The following SERPINI1 variants were observed in gnomAD, a reference collection of about 807,000 sequenced individuals.
The protein encoded by SERPINI1 is neuroserpin.
A neutral mutation model predicts 41.1 loss-of-function variants in SERPINI1; 19 were observed. The observed-to-expected ratio is 0.46, with a 90% CI of 0.32 to 0.68. The LOEUF (loss-of-function observed/expected upper bound fraction) is 0.68. Ranked by LOEUF, SERPINI1 falls within the 30% of genes least tolerant of loss-of-function variation. The probability of loss-of-function intolerance (pLI) is 0.03; values close to 1 mark genes in which losing one functional copy is unlikely to be tolerated. For missense variants in SERPINI1, 460 were observed against 479.2 expected, an observed-to-expected ratio of 0.96 and a Z score of 0.37; for synonymous variants, 138 against 156.6, an observed-to-expected ratio of 0.88 and a Z score of 0.89.
chr3:167,757,510 TCACACA>T (rs143893182), intron 1 of SERPINI1, among the ~76,000 whole-genome samples: 3 of 149,548 alleles, frequency 2.0e-5, no homozygotes, highest in African/African-American at 7.4e-5. Context: ...TCTCTCTCTC[TCACACA>T]CACACACACA....
chr3:167,823,934 G>C (rs553410173), intron 7 of SERPINI1, among the ~76,000 whole-genome samples: 2 of 152,230 alleles, frequency 1.3e-5, no homozygotes, highest in African/African-American at 4.8e-5. Flanking sequence ...CCAGTCATAG[G>C]ATACCTCGTT....
chr3:167,790,318 T>G, intron 2 of SERPINI1, 54 bp from the exon 3 acceptor site: 19 of 1,349,716 alleles, frequency 1.4e-5, no homozygotes, highest in Non-Finnish European at 1.9e-5. Context: ...CCACTCTCCT[T>G]GACATTTCAC....
At chr3:167,809,583 T>C (rs3804617) in intron 6 of SERPINI1, among the ~76,000 whole-genome samples, 24,517 of 152,206 alleles carry the variant, frequency 0.16, 2,305 homozygotes, top group Non-Finnish European at 0.22. Flanking sequence ...TGATAACAGA[T>C]GGTTTAGAGA....
intron 1 of SERPINI1, among the ~76,000 whole-genome samples, chr3:167,748,615 G>A (rs1372639702): frequency 6.6e-6 from 1 of 152,168 alleles, no homozygotes; most frequent in Non-Finnish European, 1.5e-5. Flanking sequence ...AGATGACAAC[G>A]TCTCAGAGGT....
chr3:167,813,569 A>G (rs1181704633), intron 6 of SERPINI1, among the ~76,000 whole-genome samples: 1 of 152,146 alleles, frequency 6.6e-6, no homozygotes, highest in East Asian at 1.9e-4. Flanking sequence ...GAGCAAGTTG[A>G]AAGGTCGACA....
chr3:167,749,479 C>A (rs1188472063), intron 1 of SERPINI1, among the ~76,000 whole-genome samples: 1 of 152,176 alleles, frequency 6.6e-6, no homozygotes, highest in East Asian at 1.9e-4. Context: ...ACAATTGTGA[C>A]TATAAGGCTG....
intron 5 of SERPINI1, among the ~76,000 whole-genome samples, chr3:167,806,528 A>T (rs1711650880): frequency 6.6e-6 from 1 of 152,146 alleles, no homozygotes; most frequent in African/African-American, 2.4e-5. Context: ...ATGGTTTTTA[A>T]GATATAATGT....
intron 1 of SERPINI1, among the ~76,000 whole-genome samples, chr3:167,771,091 A>T (rs1726733287): frequency 6.6e-6 from 1 of 152,172 alleles, no homozygotes; most frequent in Non-Finnish European, 1.5e-5. Context: ...TAATAATATA[A>T]CCTCTGTAGA....
chr3:167,803,526 C>G (rs1711521008), intron 5 of SERPINI1, among the ~76,000 whole-genome samples: 1 of 152,114 alleles, frequency 6.6e-6, no homozygotes, highest in Non-Finnish European at 1.5e-5. Flanking sequence ...ATCCTATGAT[C>G]TAACCTTATT....
chr3:167,759,400 G>GTATGTATATATATATATATATATA (rs1726300867), intron 1 of SERPINI1, among the ~76,000 whole-genome samples: 2 of 121,118 alleles, frequency 1.7e-5, no homozygotes, highest in African/African-American at 3.0e-5. Context: ...AGAAAATGTG[G>GTATGTATATATATATATATATATA]TATATATATA....
chr3:167,822,863 A>T (rs1712383841), intron 6 of SERPINI1, 123 bp from the exon 7 acceptor site: 3 of 664,922 alleles, frequency 4.5e-6, no homozygotes. Context: ...ATCTTTTAAC[A>T]TTATCTCCTA....
At chr3:167,780,064 A>C (rs1326574286) in intron 1 of SERPINI1, among the ~76,000 whole-genome samples, 6 of 152,172 alleles carry the variant, frequency 3.9e-5, no homozygotes, top group Non-Finnish European at 8.8e-5. Context: ...GAAAATTTGA[A>C]AAGGAAAAAA....
In SERPINI1 at chr3:167,781,708, A is replaced by G. The variant is rs544814919; in HGVS notation, c.-18-7403A>G. Among the ~76,000 whole-genome samples the G allele has an allele frequency of 2.3e-4, 32 of 141,984 alleles. No homozygotes were observed. The Middle Eastern group carries it at 0.011, about 50-fold the overall frequency. The allele number at this position is 141,984 out of a possible 152,430, so 93.1% of individuals were successfully genotyped here. On this transcript the variant is annotated intron_variant, in intron 1 of 8. Transcript: ENST00000446050. ...GCATTTTTCTCAGCTACCAAAGGACACTTCTCTCTTTTTCTCAACTCACAA... is the reference window on the plus strand; with the variant it reads ...GCATTTTTCTCAGCTACCAAAGGACGCTTCTCTCTTTTTCTCAACTCACAA...
chr3:167,817,767 T>TG (rs1389847346), intron 6 of SERPINI1, among the ~76,000 whole-genome samples: 2 of 150,676 alleles, frequency 1.3e-5, no homozygotes, highest in African/African-American at 4.9e-5. Context: ...CTGGCTAATT[T>TG]TTTTTGTATT....
At chr3:167,788,989 G>A in intron 1 of SERPINI1, 122 bp from the exon 2 acceptor site, 1 of 891,062 alleles carries the variant, frequency 1.1e-6, no homozygotes, top group Non-Finnish European at 1.7e-6. Flanking sequence ...GAACTTAGCA[G>A]TGTTATTTGT....
chr3:167,796,604 A>G (rs1322783043), intron 5 of SERPINI1, among the ~76,000 whole-genome samples: 1 of 151,922 alleles, frequency 6.6e-6, no homozygotes, highest in Non-Finnish European at 1.5e-5. Context: ...GAGAACATGC[A>G]CTGTTTGGTT....
In SERPINI1 at chr3:167,788,648, C is replaced by T. The variant is rs118018373; in HGVS notation, c.-18-463C>T. ...TTGAGGCAGGTATATGTCTGATCTCCGCTCACCAGTTGGTAACCCAGCTGC... is the reference window on the plus strand; with the variant it reads ...TTGAGGCAGGTATATGTCTGATCTCTGCTCACCAGTTGGTAACCCAGCTGC... On this transcript the variant is annotated intron_variant, in intron 1 of 8. Transcript: ENST00000446050. 4.1e-4 allele frequency among the ~76,000 whole-genome samples: 62 copies of T among 152,298 alleles called. No individual in the cohort carries two copies. In the East Asian group the frequency reaches 9.8e-3, roughly 24 times the overall value.
At chr3:167,749,319 A>G (rs538563945) in intron 1 of SERPINI1, among the ~76,000 whole-genome samples, 1 of 150,888 alleles carries the variant, frequency 6.6e-6, no homozygotes, top group Non-Finnish European at 1.5e-5. Flanking sequence ...ACTCCTTCTC[A>G]ACATCCACAA....
chr3:167,755,458 G>GTAC (rs1488149998), intron 1 of SERPINI1, among the ~76,000 whole-genome samples: 4 of 152,132 alleles, frequency 2.6e-5, no homozygotes, highest in Admixed American at 6.6e-5. Context: ...TGGTCTTATA[G>GTAC]TACTTCAAAA....
Sources: allele counts gnomAD v4.1 joint callset (sites outside exome capture counted in the v4.1 genomes callset), GRCh38; gene constraint gnomAD v4.1.1; transcripts MANE v1.5; gene names NCBI Gene and HGNC (gene_info 2026-07-23, HGNC 2026-07-21).